LEF1: variants seen among roughly 807,000 people sequenced by gnomAD.
The protein encoded by LEF1 is lymphoid enhancer binding factor 1, also known as lymphoid enhancer-binding factor 1.
Under a neutral mutation model 51.2 loss-of-function variants are expected in LEF1, and 14 were observed. That is an observed-to-expected ratio of 0.27 (90% CI 0.18 to 0.43). The LOEUF (loss-of-function observed/expected upper bound fraction) is 0.43. Among genes scored for constraint, LEF1 ranks in the 20% least tolerant of loss-of-function variants. The pLI, the probability that LEF1 is intolerant of heterozygous loss-of-function variation, is 1.00. For missense variants in LEF1, 386 were observed against 512.0 expected, an observed-to-expected ratio of 0.75 and a Z score of 2.37; for synonymous variants, 185 against 183.2, an observed-to-expected ratio of 1.01 and a Z score of -0.08.
At chr4:108,061,332 C>G (rs1022159102) in intron 11 of LEF1, among the ~76,000 whole-genome samples, 3 of 152,116 alleles carry the variant, frequency 2.0e-5, no homozygotes, top group African/African-American at 7.2e-5. Flanking sequence ...ACAGCTGTGA[C>G]TTGCTAGAAA....
At chr4:108,159,661 A>T (rs1744945636) in intron 3 of LEF1, among the ~76,000 whole-genome samples, 2 of 152,184 alleles carry the variant, frequency 1.3e-5, no homozygotes, top group African/African-American at 4.8e-5. Flanking sequence ...ACAAAATCAG[A>T]TTTTAGCTGT....
At chr4:108,085,452 G>T (rs771877223) in intron 4 of LEF1, among the ~76,000 whole-genome samples, 7 of 152,216 alleles carry the variant, frequency 4.6e-5, no homozygotes, top group Admixed American at 2.6e-4. Context: ...GACTGTTAAG[G>T]CATCTGTTTT....
intron 3 of LEF1, among the ~76,000 whole-genome samples, chr4:108,120,188 C>A (rs970185072): frequency 6.6e-6 from 1 of 151,912 alleles, no homozygotes; most frequent in Admixed American, 6.6e-5. Flanking sequence ...TGTGCCACCA[C>A]CCCCAGATAA....
intron 3 of LEF1, among the ~76,000 whole-genome samples, chr4:108,110,657 G>A (rs749000800): frequency 6.6e-6 from 1 of 152,100 alleles, no homozygotes; most frequent in Non-Finnish European, 1.5e-5. Context: ...CTAGGTATGC[G>A]ACAAGACTGA....
chr4:108,050,732 A>G (rs1469470886), intron 11 of LEF1, among the ~76,000 whole-genome samples: 4 of 152,214 alleles, frequency 2.6e-5, no homozygotes, highest in African/African-American at 9.6e-5. Flanking sequence ...GCCTGAGACA[A>G]GCACTGGGAC....
intron 9 of LEF1, among the ~76,000 whole-genome samples, chr4:108,070,164 T>C (rs1002966325): frequency 4.6e-5 from 7 of 152,038 alleles, no homozygotes; most frequent in Non-Finnish European, 8.8e-5. Context: ...ATTAAATAAA[T>C]TGTGAAATTC....
chr4:108,076,047 G>C (rs1738835292), intron 8 of LEF1, among the ~76,000 whole-genome samples: 1 of 152,020 alleles, frequency 6.6e-6, no homozygotes, highest in South Asian at 2.1e-4. Context: ...ACGCTTTCCT[G>C]TTTCAGAGGC....
At chr4:108,089,569 C>G (rs1739873053) in intron 3 of LEF1, among the ~76,000 whole-genome samples, 2 of 152,186 alleles carry the variant, frequency 1.3e-5, no homozygotes, top group African/African-American at 4.8e-5. Context: ...TATTTATACT[C>G]TCTTTTAGAT....
chr4:108,152,308 G>A (rs752367947), intron 3 of LEF1, among the ~76,000 whole-genome samples: 3 of 152,190 alleles, frequency 2.0e-5, no homozygotes, highest in Non-Finnish European at 4.4e-5. Context: ...GTCTGGGAGT[G>A]TAACTGAATC....
At chr4:108,064,271 C>T in intron 10 of LEF1, 65 bp downstream of exon 10, 1 of 1,100,598 alleles carries the variant, frequency 9.1e-7, no homozygotes, top group Admixed American at 1.7e-5. Context: ...TAGAGAGATG[C>T]AAACTGCCTT....
At position 108,136,842 on chromosome 4, in the gene LEF1, T is replaced by C. The variant is rs149950170; in HGVS notation, c.414+26726A>G. 3.4e-4 allele frequency among the ~76,000 whole-genome samples: 52 copies of C among 152,298 alleles called. 2 individuals carry two copies. The East Asian group carries it at 9.8e-3, about 29-fold the overall frequency. ...TAAAAAGGGAAATAACTTCCAATAA[T>C]TTTTATGAAATTATATAAGTATGTA... On this transcript the variant is annotated intron_variant, in intron 3 of 11. Transcript: ENST00000265165.
intron 4 of LEF1, among the ~76,000 whole-genome samples, chr4:108,086,293 T>C (rs1446571802): frequency 6.6e-6 from 1 of 152,188 alleles, no homozygotes; most frequent in African/African-American, 2.4e-5. Flanking sequence ...TCTCACTCTG[T>C]TGCCCAGGCT....
At chr4:108,073,823 A>AC (rs35881643) in intron 8 of LEF1, among the ~76,000 whole-genome samples, 120 of 144,722 alleles carry the variant, frequency 8.3e-4, no homozygotes, top group East Asian at 4.3e-3. Flanking sequence ...TCCTCTGATA[A>AC]CCCCCCCCCC....
chr4:108,072,908 T>C (rs1170005186), intron 8 of LEF1: 1 of 151,948 alleles, frequency 6.6e-6, no homozygotes, highest in East Asian at 1.9e-4. Context: ...TTTTTTGTTG[T>C]TGTTGTTGTT....
chr4:108,098,190 T>C (rs535305206), intron 3 of LEF1, among the ~76,000 whole-genome samples: 2 of 152,260 alleles, frequency 1.3e-5, no homozygotes, highest in African/African-American at 2.4e-5. Context: ...GGGAGGGACT[T>C]CCCACTGCCA....
chr4:108,138,522 C>CACACAT (rs1422238080), intron 3 of LEF1, among the ~76,000 whole-genome samples: 11 of 152,086 alleles, frequency 7.2e-5, no homozygotes, highest in Non-Finnish European at 1.6e-4. Context: ...CACACACACA[C>CACACAT]ACACACGAGT....
intron 3 of LEF1, among the ~76,000 whole-genome samples, chr4:108,154,416 C>T (rs891052273): frequency 8.5e-6 from 1 of 117,206 alleles, no homozygotes; most frequent in East Asian, 2.9e-4. Flanking sequence ...TAAGGTGCCT[C>T]GCACAGTATG....
intron 1 of LEF1, chr4:108,166,694 A>T (rs1745418920): frequency 1.0e-6 from 1 of 996,090 alleles, no homozygotes; most frequent in Non-Finnish European, 1.2e-6. Context: ...AAGACCCGAT[A>T]AAGCGCCTTC....
chr4:108,128,926 C>A lies in LEF1; in HGVS notation c.414+34642G>T, dbSNP rs79905163. Among the ~76,000 whole-genome samples the A allele has an allele frequency of 1.7e-3, 264 of 152,214 alleles. 4 individuals are homozygous for A. Among genetic ancestry groups the A allele is most frequent in the East Asian group, 2.3e-3 (12 of 5,172 alleles). On this transcript the variant is annotated intron_variant, in intron 3 of 11. Transcript: ENST00000265165. Reference sequence around the variant, plus strand: ...GTCCATCATAAGTGGTTGTCTCTAACAATCAAATAAATATTATTACAGATG... The same window carrying A: ...GTCCATCATAAGTGGTTGTCTCTAAAAATCAAATAAATATTATTACAGATG...
Sources: gnomAD v4.1 joint callset for allele counts (sites outside exome capture counted in the v4.1 genomes callset) on GRCh38, gnomAD v4.1.1 for gene constraint, MANE v1.5 for transcripts, NCBI Gene and HGNC (gene_info 2026-07-23, HGNC 2026-07-21) for gene names.